Variants in TENM4 observed in about 807,000 individuals in gnomAD.
TENM4 encodes teneurin-4.
A neutral mutation model predicts 243.3 loss-of-function variants in TENM4; 82 were observed. That is an observed-to-expected ratio of 0.34 (90% CI 0.28 to 0.40). The LOEUF (loss-of-function observed/expected upper bound fraction) is 0.40. TENM4 is among the 10% of genes least tolerant of loss of function. TENM4 has a pLI of 1.00. For missense variants in TENM4, 3,138 were observed against 3,673.3 expected (o/e 0.85, Z 3.77); for synonymous variants, 1,412 against 1,456.3 (o/e 0.97, Z 0.69).
intron 1 of TENM4, among the ~76,000 whole-genome samples, chr11:79,303,870 T>G (rs1464132813): frequency 6.6e-6 from 1 of 152,166 alleles, no homozygotes; most frequent in Non-Finnish European, 1.5e-5. Context: ...TTTGGGCTGG[T>G]AGCGTGTTAA....
intron 1 of TENM4, among the ~76,000 whole-genome samples, chr11:79,382,159 A>C (rs534521925): frequency 6.6e-6 from 1 of 152,208 alleles, no homozygotes; most frequent in Non-Finnish European, 1.5e-5. Flanking sequence ...ACAGCTCATT[A>C]GGGGGAGGGC....
At chr11:79,234,997 G>C (rs2135268498) in intron 2 of TENM4, among the ~76,000 whole-genome samples, 1 of 152,236 alleles carries the variant, frequency 6.6e-6, no homozygotes, top group East Asian at 1.9e-4. Flanking sequence ...TACCAAGAGG[G>C]AAGACTAAAA....
At chr11:78,942,058 T>A (rs1167919355) in intron 6 of TENM4, among the ~76,000 whole-genome samples, 1 of 149,820 alleles carries the variant, frequency 6.7e-6, no homozygotes, top group East Asian at 2.0e-4. Flanking sequence ...GAAGAAAAAT[T>A]GTCTTGGGCC....
intron 1 of TENM4, among the ~76,000 whole-genome samples, chr11:79,404,868 CG>C (rs1858534608): frequency 2.0e-5 from 3 of 151,162 alleles, no homozygotes; most frequent in East Asian, 3.9e-4. Flanking sequence ...TAGAAGACAG[CG>C]GGGGGTGGGG....
intron 1 of TENM4, among the ~76,000 whole-genome samples, chr11:79,366,113 C>CT (rs1198543463): frequency 1.3e-5 from 2 of 152,314 alleles, no homozygotes; most frequent in East Asian, 3.9e-4. Context: ...AACAGGCACT[C>CT]TGTGGCCATT....
chr11:79,096,471 G>C (rs1861077742), intron 4 of TENM4: 1 of 152,160 alleles, frequency 6.6e-6, no homozygotes, highest in Admixed American at 6.6e-5. Flanking sequence ...ATAAACTCAG[G>C]TTCCTAGAAA....
chr11:78,974,636 A>G (rs2136592672), intron 6 of TENM4, among the ~76,000 whole-genome samples: 1 of 152,322 alleles, frequency 6.6e-6, no homozygotes, highest in East Asian at 1.9e-4. Context: ...GGCCTGACAT[A>G]GAGCAGGTAC....
intron 2 of TENM4, among the ~76,000 whole-genome samples, chr11:79,295,660 C>T (rs1856437258): frequency 6.6e-6 from 1 of 151,964 alleles, no homozygotes; most frequent in Non-Finnish European, 1.5e-5. Context: ...CTGCAGAGGG[C>T]AGGTGAAGGG....
chr11:78,726,083 T>C lies in TENM4; in HGVS notation c.3546A>G (p.Gln1182=). The change falls in exon 23 of 34, where the codon CAA becomes CAG. Residue 1182 remains glutamine, a synonymous_variant. Coordinates refer to ENST00000278550, the MANE Select transcript of TENM4 (RefSeq NM_001098816.3). ...TAATTCTATTAATCCACTTACCACT[T>C]TGAATGTTGAGGGCATGATGTTTGT... ...SLDKHHALNI[Q]SGILHKGNGE... The C allele has an allele frequency of 6.2e-7, 1 of 1,613,950 alleles. No individual in the cohort carries two copies. Among genetic ancestry groups the C allele is most frequent in the South Asian group, 1.1e-5 (1 of 91,050 alleles).
intron 6 of TENM4, among the ~76,000 whole-genome samples, chr11:79,052,872 C>T (rs1859836068): frequency 6.6e-6 from 1 of 152,208 alleles, no homozygotes; most frequent in African/African-American, 2.4e-5. Context: ...GCCTGAGAGC[C>T]TTCTCAGGAG....
rs184664301 is a variant in TENM4 at position 79,015,040 on chromosome 11, A to G, written c.493+49698T>C. On this transcript the variant is annotated intron_variant, in intron 6 of 33. Coordinates refer to ENST00000278550, the MANE Select transcript of TENM4 (RefSeq NM_001098816.3). Reference sequence around the variant, plus strand: ...CTGGCAGAGGGGCACAGGAAGTGTTAGTTGAACTAAACTGAAACATAAATA... The same window carrying G: ...CTGGCAGAGGGGCACAGGAAGTGTTGGTTGAACTAAACTGAAACATAAATA... 1.8e-4 allele frequency among the ~76,000 whole-genome samples: 28 copies of G among 152,362 alleles called. No homozygotes were observed. In the East Asian group the frequency reaches 4.8e-3, roughly 26 times the overall value.
At chr11:79,065,451 T>TACTC (rs1860220220) in intron 5 of TENM4, among the ~76,000 whole-genome samples, 1 of 152,228 alleles carries the variant, frequency 6.6e-6, no homozygotes, top group Non-Finnish European at 1.5e-5. Context: ...AAAAATGCAG[T>TACTC]ACTCAGAAGG....
chr11:79,321,399 T>TTTA lies in TENM4; in HGVS notation c.-320-23859_-320-23857dup, dbSNP rs1856886228. On this transcript the variant is annotated intron_variant, in intron 1 of 33. Transcript: ENST00000278550. The stretch of plus-strand genomic sequence containing the variant: ...TGCTTCTCCTCAGAGCATGATCTCA[T>TTTA]TTATGAATCTGCAGAAAGCGTTTAC... 2.0e-5 allele frequency among the ~76,000 whole-genome samples: 3 copies of TTTA among 152,162 alleles called. No individual in the cohort carries two copies. In the South Asian group the frequency reaches 6.2e-4, roughly 32 times the overall value.
intron 1 of TENM4, among the ~76,000 whole-genome samples, chr11:79,409,060 T>TTG (rs559211499): frequency 0.027 from 3,815 of 141,856 alleles, 48 homozygotes; most frequent in East Asian, 0.048. Flanking sequence ...GAGGGATATT[T>TTG]TGTGTGTGTG....
intron 30 of TENM4, 111 bp from the exon 31 acceptor site, chr11:78,672,440 A>G (rs1858355942): frequency 8.7e-7 from 1 of 1,152,478 alleles, no homozygotes; most frequent in African/African-American, 1.5e-5. Flanking sequence ...TAGAGGAGGG[A>G]GCACAGTCCT....
chr11:79,133,835 A>C (rs1862058536), intron 4 of TENM4, among the ~76,000 whole-genome samples: 1 of 152,182 alleles, frequency 6.6e-6, no homozygotes, highest in Admixed American at 6.5e-5. Context: ...TCAGCATACA[A>C]GGGAGATACC....
intron 1 of TENM4, among the ~76,000 whole-genome samples, chr11:79,308,413 C>T (rs1375745043): frequency 6.6e-6 from 1 of 151,980 alleles, no homozygotes; most frequent in African/African-American, 2.4e-5. Flanking sequence ...CTATCATAAC[C>T]GTGAGGTAGT....
At chr11:78,845,645 A>G (rs927360784) in intron 12 of TENM4, among the ~76,000 whole-genome samples, 6 of 152,214 alleles carry the variant, frequency 3.9e-5, no homozygotes, top group Non-Finnish European at 1.5e-5. Context: ...TATGTCCCAC[A>G]TATCAGTGGT....
intron 1 of TENM4, among the ~76,000 whole-genome samples, chr11:79,370,892 C>T (rs1565318628): frequency 6.7e-6 from 1 of 148,990 alleles, no homozygotes; most frequent in Admixed American, 6.7e-5. Context: ...AAGATACTTA[C>T]CTAAAAGTGA....
Sources: gnomAD v4.1 joint callset for allele counts (sites outside exome capture counted in the v4.1 genomes callset) on GRCh38, gnomAD v4.1.1 for gene constraint, MANE v1.5 for transcripts, NCBI Gene and HGNC (gene_info 2026-07-23, HGNC 2026-07-21) for gene names.